Variants in IRAG1 observed in about 807,000 individuals in gnomAD.
IRAG1 encodes the protein IP3R-associated cGMP kinase substrate.
In IRAG1, 62 loss-of-function variants were observed where a neutral mutation model predicts 106.2. The observed-to-expected ratio is 0.58, with a 90% CI of 0.48 to 0.72. The LOEUF is 0.72. Ranked by LOEUF, IRAG1 falls within the 30% of genes least tolerant of loss-of-function variation. The pLI, the probability that IRAG1 is intolerant of heterozygous loss-of-function variation, is 0.00. For synonymous variants in IRAG1, 462 were observed against 443.9 expected (o/e 1.04, Z -0.51); for missense variants, 1,064 against 1,140.7 (o/e 0.93, Z 0.97).
intron 1 of IRAG1, among the ~76,000 whole-genome samples, chr11:10,664,153 G>A (rs1023730419): frequency 6.6e-6 from 1 of 152,144 alleles, no homozygotes; most frequent in Non-Finnish European, 1.5e-5. Context: ...CCGAGACGCA[G>A]CCCCTCTCCG....
intron 1 of IRAG1, among the ~76,000 whole-genome samples, chr11:10,691,657 CACTGTCCTCACCTG>C (rs927790236): frequency 6.6e-6 from 1 of 152,160 alleles, no homozygotes; most frequent in Non-Finnish European, 1.5e-5. Flanking sequence ...CCCCTAGCCC[CACTGTCCTCACCTG>C]GAGCAGTAAG....
intron 18 of IRAG1, among the ~76,000 whole-genome samples, chr11:10,590,130 A>G (rs1182004774): frequency 6.6e-6 from 1 of 152,160 alleles, no homozygotes; most frequent in East Asian, 1.9e-4. Context: ...CAGTCAGAGC[A>G]TGAGGTGACC....
chr11:10,613,891 C>G (rs564597258), intron 10 of IRAG1, among the ~76,000 whole-genome samples: 5 of 152,282 alleles, frequency 3.3e-5, no homozygotes, highest in Non-Finnish European at 7.4e-5. Flanking sequence ...AGAAACAACT[C>G]TCCTTCAAGT....
At chr11:10,693,504 GCA>G (rs1862224647) in intron 1 of IRAG1, 30 bp downstream of exon 1, 2 of 1,535,156 alleles carry the variant, frequency 1.3e-6, no homozygotes, top group African/African-American at 2.7e-5. Flanking sequence ...AGCCGAAGAG[GCA>G]GGTTATTCTA....
chr11:10,655,874 G>A (rs1858882205), intron 1 of IRAG1, among the ~76,000 whole-genome samples: 1 of 152,178 alleles, frequency 6.6e-6, no homozygotes, highest in Non-Finnish European at 1.5e-5. Context: ...CAACATAAAA[G>A]TAGAGTGGAT....
intron 1 of IRAG1, among the ~76,000 whole-genome samples, chr11:10,692,910 A>G (rs1862171934): frequency 6.6e-6 from 1 of 152,184 alleles, no homozygotes. Flanking sequence ...CCTGGAGGTG[A>G]GCAGGGCCGG....
chr11:10,597,532 C>T (rs1032876842), intron 15 of IRAG1, among the ~76,000 whole-genome samples: 2 of 151,698 alleles, frequency 1.3e-5, no homozygotes, highest in African/African-American at 4.8e-5. Flanking sequence ...TAGGGTCTCA[C>T]TTTGTTGCCC....
In IRAG1 at chr11:10,576,316, C is replaced by T. The variant is rs1222120486; in HGVS notation, c.*16G>A. On this transcript the variant is annotated 3_prime_UTR_variant, in exon 21 of 21. Transcript: ENST00000423302. ...TGAGTGTCTCAGAGCAGGGCACTGG[C>T]TAGGTGTGAGGTTTCCTACTGCTCT... 5.6e-6 allele frequency: 9 copies of T among 1,612,992 alleles called. No homozygotes were observed. The highest frequency in any genetic ancestry group is 3.3e-5 in the Admixed American group (2 of 59,986).
chr11:10,661,637 G>A (rs145375167), intron 1 of IRAG1, among the ~76,000 whole-genome samples: 5 of 152,220 alleles, frequency 3.3e-5, no homozygotes, highest in Non-Finnish European at 7.4e-5. Context: ...CAGCAGAGTC[G>A]CTGGCATCTT....
At chr11:10,630,022 G>A (rs770718661) in intron 4 of IRAG1, 62 of 310,688 alleles carry the variant, frequency 2.0e-4, no homozygotes, top group African/African-American at 9.4e-4. Flanking sequence ...CACCATCTGC[G>A]CCCCCAGTGC....
intron 18 of IRAG1, among the ~76,000 whole-genome samples, chr11:10,583,910 G>T (rs1034659799): frequency 1.3e-5 from 2 of 152,118 alleles, no homozygotes; most frequent in African/African-American, 4.8e-5. Flanking sequence ...TCTGCTGAGA[G>T]TGAGAGGTAG....
At chr11:10,636,391 G>A (rs1002333860) in intron 2 of IRAG1, among the ~76,000 whole-genome samples, 2 of 152,060 alleles carry the variant, frequency 1.3e-5, no homozygotes, top group African/African-American at 4.8e-5. Context: ...TGGCCAGGCT[G>A]GTCTTGAACT....
chr11:10,648,467 C>T (rs1048698854), intron 2 of IRAG1, among the ~76,000 whole-genome samples: 1 of 152,172 alleles, frequency 6.6e-6, no homozygotes, highest in Admixed American at 6.5e-5. Flanking sequence ...AAAAAATTCC[C>T]AGGGTGACTG....
In IRAG1 at chr11:10,601,037, G is replaced by A. The variant is rs1030324626; in HGVS notation, c.1898C>T (p.Thr633Met). ...VRQEKRMSKA[T>M]EVMMQYVENL... is the part of the protein sequence containing the mutation. The stretch of plus-strand genomic sequence containing the variant: ...CTCCACATACTGCATCATCACTTCC[G>A]TTGCTTTCGACATGCGCTTTTCCTG... The change falls in exon 15 of 21, where the codon ACG (threonine) becomes ATG (methionine). Residue 633 changes from threonine (T) to methionine (M), a missense_variant. Transcript: ENST00000423302. The A allele has an allele frequency of 4.3e-6, 7 of 1,613,884 alleles. No homozygotes were observed. Among genetic ancestry groups the A allele is most frequent in the African/African-American group, 4.0e-5 (3 of 74,944 alleles).
intron 1 of IRAG1, chr11:10,687,591 G>C: frequency 7.6e-6 from 8 of 1,054,986 alleles, no homozygotes; most frequent in Non-Finnish European, 9.7e-6. Context: ...AAGCCTTAAA[G>C]CTTCAGTGAA....
At chr11:10,608,561 TGGGCATAGGTACCC>T (rs1040953227) in intron 11 of IRAG1, among the ~76,000 whole-genome samples, 3 of 152,148 alleles carry the variant, frequency 2.0e-5, no homozygotes, top group Non-Finnish European at 4.4e-5. Context: ...GCCTTACAAA[TGGGCATAGGTACCC>T]GGGGGCAGAG....
chr11:10,664,364 T>G (rs1298150209), intron 1 of IRAG1, among the ~76,000 whole-genome samples: 4 of 152,200 alleles, frequency 2.6e-5, no homozygotes, highest in Admixed American at 2.0e-4. Flanking sequence ...AACCTTGGGC[T>G]GGGCTGCTGG....
chr11:10,621,130 T>C (rs1302529040), intron 10 of IRAG1, among the ~76,000 whole-genome samples: 1 of 152,232 alleles, frequency 6.6e-6, no homozygotes, highest in Admixed American at 6.5e-5. Flanking sequence ...TTAAATATGC[T>C]TTAGTAAATT....
At chr11:10,636,769 T>C (rs1267698466) in intron 2 of IRAG1, among the ~76,000 whole-genome samples, 1 of 152,164 alleles carries the variant, frequency 6.6e-6, no homozygotes, top group Non-Finnish European at 1.5e-5. Context: ...GAAGACTCTA[T>C]AGAGGAGTGG....
Sources: gnomAD v4.1 joint callset for allele counts (sites outside exome capture counted in the v4.1 genomes callset) on GRCh38, gnomAD v4.1.1 for gene constraint, MANE v1.5 for transcripts, NCBI Gene and HGNC (gene_info 2026-07-23, HGNC 2026-07-21) for gene names.